The following HMCN1 variants were observed in gnomAD, a reference collection of about 807,000 sequenced individuals.
HMCN1 encodes hemicentin 1, also known as hemicentin-1.
HMCN1 carries 321 observed loss-of-function variants against 625.9 expected under a neutral mutation model. The ratio of observed to expected loss-of-function variants is 0.51; its 90% CI spans 0.47 to 0.56. The LOEUF (loss-of-function observed/expected upper bound fraction) is 0.56. Ranked by LOEUF, HMCN1 falls within the 20% of genes least tolerant of loss-of-function variation. The probability of loss-of-function intolerance (pLI) is 0.00; values close to 1 mark genes in which losing one functional copy is unlikely to be tolerated. For synonymous variants in HMCN1, 2,425 were observed against 2,417.6 expected, an observed-to-expected ratio of 1.00 and a Z score of -0.09; for missense variants, 6,588 against 6,887.3, an observed-to-expected ratio of 0.96 and a Z score of 1.54.
intron 31 of HMCN1, 66 bp downstream of exon 31, chr1:186,015,503 A>G: frequency 6.9e-7 from 1 of 1,459,606 alleles, no homozygotes. Flanking sequence ...GCAAATATCG[A>G]ATTTATTCAC....
intron 86 of HMCN1, among the ~76,000 whole-genome samples, chr1:186,135,318 A>G (rs1251156672): frequency 6.6e-6 from 1 of 151,952 alleles, no homozygotes; most frequent in Non-Finnish European, 1.5e-5. Flanking sequence ...TTTTCTTCCT[A>G]CCTCAGTGAT....
intron 97 of HMCN1, among the ~76,000 whole-genome samples, chr1:186,162,542 T>C (rs1651571729): frequency 1.3e-5 from 2 of 152,096 alleles, no homozygotes; most frequent in African/African-American, 4.8e-5. Context: ...ATCTTTGTGG[T>C]TTTTTCTACT....
chr1:185,756,532 C>G (rs1201870079), intron 1 of HMCN1, among the ~76,000 whole-genome samples: 1 of 151,594 alleles, frequency 6.6e-6, no homozygotes, highest in Non-Finnish European at 1.5e-5. Context: ...ATATCTTTCT[C>G]TATAAATTGT....
intron 38 of HMCN1, among the ~76,000 whole-genome samples, chr1:186,039,288 AAG>A (rs1469498070): frequency 1.3e-5 from 2 of 152,162 alleles, no homozygotes; most frequent in African/African-American, 4.8e-5. Flanking sequence ...TGCTCTCTGA[AAG>A]AATCATAGGT....
chr1:185,922,808 CTTACTAAATTCTGAGAA>C (rs1667067158), intron 7 of HMCN1, among the ~76,000 whole-genome samples: 2 of 152,152 alleles, frequency 1.3e-5, no homozygotes, highest in Admixed American at 1.3e-4. Context: ...TATTCTTACA[CTTACTAAATTCTGAGAA>C]TTACTAACCC....
intron 4 of HMCN1, among the ~76,000 whole-genome samples, chr1:185,882,851 A>G (rs1664395005): frequency 6.6e-6 from 1 of 152,124 alleles, no homozygotes; most frequent in Admixed American, 6.5e-5. Flanking sequence ...TACTTTATTT[A>G]TAGCTGGTGA....
intron 10 of HMCN1, 141 bp downstream of exon 10, chr1:185,928,808 C>A: frequency 1.8e-4 from 157 of 861,574 alleles, no homozygotes; most frequent in Middle Eastern, 3.4e-4. Context: ...ATTGAGAACT[C>A]AAATCCTGTG....
chr1:185,801,821 A>G (rs890984974), intron 1 of HMCN1, among the ~76,000 whole-genome samples: 5 of 152,200 alleles, frequency 3.3e-5, no homozygotes, highest in Non-Finnish European at 7.3e-5. Context: ...AGGCGTAGGT[A>G]GAAACTAGAC....
intron 1 of HMCN1, among the ~76,000 whole-genome samples, chr1:185,752,258 TGGG>T (rs1654866222): frequency 6.6e-6 from 1 of 152,052 alleles, no homozygotes; most frequent in Non-Finnish European, 1.5e-5. Context: ...TTTGGGTTAG[TGGG>T]AGGAATTTTT....
At chr1:185,846,123 TG>T (rs746445269) in intron 2 of HMCN1, 27 bp downstream of exon 2, 10 of 1,487,402 alleles carry the variant, frequency 6.7e-6, no homozygotes, top group African/African-American at 1.4e-5. Context: ...AGTGTTCTCT[TG>T]GGGGAATGGA....
chr1:185,864,344 G>T, intron 2 of HMCN1, 126 bp from the exon 3 acceptor site: 1 of 855,508 alleles, frequency 1.2e-6, no homozygotes, highest in Non-Finnish European at 1.9e-6. Context: ...TGAACAAAGT[G>T]TCAAACTGAC....
intron 83 of HMCN1, 83 bp downstream of exon 83, chr1:186,128,374 A>G (rs1661752829): frequency 8.8e-7 from 1 of 1,131,760 alleles, no homozygotes; most frequent in African/African-American, 1.5e-5. Flanking sequence ...AGCTGTGAAA[A>G]TTGAAAAGTA....
chr1:185,988,294 A>G (rs1022929779), intron 20 of HMCN1, among the ~76,000 whole-genome samples: 1 of 152,186 alleles, frequency 6.6e-6, no homozygotes, highest in Non-Finnish European at 1.5e-5. Context: ...AGAAAAGCCC[A>G]TTTCCTGAGG....
chr1:185,934,761 G>A (rs1033611876), intron 11 of HMCN1, among the ~76,000 whole-genome samples: 4 of 152,126 alleles, frequency 2.6e-5, no homozygotes, highest in Non-Finnish European at 4.4e-5. Flanking sequence ...TTTATAACAT[G>A]CCTGAAGTAA....
chr1:185,780,852 G>C (rs1323396130), intron 1 of HMCN1, among the ~76,000 whole-genome samples: 1 of 152,186 alleles, frequency 6.6e-6, no homozygotes, highest in African/African-American at 2.4e-5. Flanking sequence ...TCAGGATGAT[G>C]CTGGCCTCAT....
chr1:185,783,157 A>AT (rs1657270378), intron 1 of HMCN1, among the ~76,000 whole-genome samples: 1 of 152,106 alleles, frequency 6.6e-6, no homozygotes, highest in Non-Finnish European at 1.5e-5. Flanking sequence ...AAGCTTGTGC[A>AT]TTCGTCACGT....
Position 186,130,666 on chromosome 1 carries a change from G to T in HMCN1, c.13199G>T (p.Gly4400Val), listed in dbSNP as rs918362574. The T allele has an allele frequency of 1.9e-6, 3 of 1,612,934 alleles. No individual in the cohort carries two copies. In the African/African-American group the frequency reaches 4.0e-5, roughly 22 times the overall value. Residue 4400 changes from glycine (G) to valine (V), a missense_variant, in exon 85 of 107, where the codon GGC becomes GTC. Gly to Val is a moderately radical substitution (Grantham distance 109). This residue lies in a region of HMCN1 where 1,954 missense variants were observed against 2,013.1 expected (regional missense o/e 0.97). Coordinates refer to ENST00000271588, the MANE Select transcript of HMCN1 (RefSeq NM_031935.3). ...IEISHRIRQLGNGSLAIYGTV... is the reference protein window; with the variant it reads ...IEISHRIRQLVNGSLAIYGTV... ...ATTAGCCACAGAATCCGGCAACTGG[G>T]CAATGGCTCCCTGGCCATCTATGGC... is the stretch of plus-strand genomic sequence containing the variant.
At chr1:185,989,369 T>C in intron 20 of HMCN1, 119 bp from the exon 21 acceptor site, 2 of 1,143,622 alleles carry the variant, frequency 1.7e-6, no homozygotes, top group Admixed American at 1.8e-5. Context: ...AAATTTACTC[T>C]ATTCCCCTCT....
chr1:185,830,266 T>C lies in HMCN1; in HGVS notation c.269-15760T>C, dbSNP rs370216187. Among the ~76,000 whole-genome samples the C allele has an allele frequency of 5.3e-5, 8 of 152,184 alleles. No homozygotes were observed. The East Asian group carries it at 5.8e-4, about 11-fold the overall frequency. On this transcript the variant is annotated intron_variant, in intron 1 of 106. Transcript: ENST00000271588. ...CTTTAGTTTAATTAGATATCATGTG[T>C]CAATTTTGGCTTTAGTTGCAATTGC...
Sources: allele counts gnomAD v4.1 joint callset (sites outside exome capture counted in the v4.1 genomes callset), GRCh38; gene constraint gnomAD v4.1.1; regional missense constraint gnomAD v4.1.1; transcripts MANE v1.5; gene names NCBI Gene and HGNC (gene_info 2026-07-23, HGNC 2026-07-21).